Variants in ERBB4 observed in about 807,000 individuals in gnomAD.
ERBB4 encodes the protein receptor tyrosine-protein kinase erbB-4.
ERBB4 carries 42 observed loss-of-function variants against 158.0 expected under a neutral mutation model. The observed-to-expected ratio is 0.27, with a 90% CI of 0.21 to 0.34. The LOEUF (loss-of-function observed/expected upper bound fraction) is 0.34, where lower values mean the gene tolerates loss of function less well. ERBB4 is among the 10% of genes least tolerant of loss of function. The pLI, the probability that ERBB4 is intolerant of heterozygous loss-of-function variation, is 1.00. For missense variants in ERBB4, 1,333 were observed against 1,624.1 expected, an observed-to-expected ratio of 0.82 and a Z score of 3.08; for synonymous variants, 583 against 558.7, an observed-to-expected ratio of 1.04 and a Z score of -0.61.
At chr2:212,201,496 GATAA>G in intron 1 of ERBB4, among the ~76,000 whole-genome samples, 1 of 152,030 alleles carries the variant, frequency 6.6e-6, no homozygotes. Flanking sequence ...TGCTTTAATC[GATAA>G]ATATTTTCAG....
intron 1 of ERBB4, among the ~76,000 whole-genome samples, chr2:212,130,793 G>T (rs931551723): frequency 3.0e-4 from 46 of 152,004 alleles, no homozygotes; most frequent in African/African-American, 1.1e-3. Context: ...GTTTCATAGG[G>T]GCTTGTATAG....
At chr2:212,132,784 T>A (rs933197652) in intron 1 of ERBB4, among the ~76,000 whole-genome samples, 10 of 152,054 alleles carry the variant, frequency 6.6e-5, no homozygotes, top group Non-Finnish European at 1.3e-4. Flanking sequence ...TATGTGTGTG[T>A]GCGCGCTATA....
At chr2:211,704,746 A>T (rs1269293070) in intron 10 of ERBB4, among the ~76,000 whole-genome samples, 1 of 152,210 alleles carries the variant, frequency 6.6e-6, no homozygotes, top group Non-Finnish European at 1.5e-5. Flanking sequence ...ACAGAAAAAC[A>T]TAGTTTCAAA....
chr2:211,485,345 C>T (rs1037745848), intron 20 of ERBB4, among the ~76,000 whole-genome samples: 1 of 152,134 alleles, frequency 6.6e-6, no homozygotes, highest in South Asian at 2.1e-4. Context: ...CCTTTTTAAT[C>T]TGTCATTAAC....
intron 25 of ERBB4, among the ~76,000 whole-genome samples, chr2:211,404,304 G>A (rs565346716): frequency 6.6e-6 from 1 of 151,998 alleles, no homozygotes; most frequent in African/African-American, 2.4e-5. Context: ...TACGCCTTTG[G>A]TGATCCTTAG....
chr2:211,514,388 G>A (rs138494239), intron 20 of ERBB4, among the ~76,000 whole-genome samples: 40 of 152,270 alleles, frequency 2.6e-4, no homozygotes, highest in African/African-American at 9.1e-4. Context: ...TAAATTCATG[G>A]TGTAATGAAA....
chr2:211,397,092 A>G (rs1387489773), intron 25 of ERBB4, among the ~76,000 whole-genome samples: 2 of 152,158 alleles, frequency 1.3e-5, no homozygotes. Context: ...CAACTGATCT[A>G]GGCCAAAAAG....
chr2:212,505,878 A>G (rs1486344160), intron 1 of ERBB4, among the ~76,000 whole-genome samples: 1 of 148,924 alleles, frequency 6.7e-6, no homozygotes, highest in Non-Finnish European at 1.5e-5. Context: ...GGAGGTATAT[A>G]GGGTAAAATA....
rs949530483 is a variant in ERBB4 at position 211,377,149 on chromosome 2, C to G, written c.*6466G>C. 1 of 232,030 alleles carries G rather than the reference C, an allele frequency of 4.3e-6. No individual in the cohort carries two copies. Among genetic ancestry groups the G allele is most frequent in the African/African-American group, 2.2e-5 (1 of 45,074 alleles). The allele number at this position is 232,030 out of a possible 1,614,324, so 14.4% of individuals were successfully genotyped here. On this transcript the variant is annotated 3_prime_UTR_variant, in exon 28 of 28. Transcript: ENST00000342788. ...AGCCCCTGAGAGATCCAGAAATATA[C>G]AGGAAAATGACTCTCACATTAAGGG...
chr2:212,265,190 G>A (rs933284057), intron 1 of ERBB4, among the ~76,000 whole-genome samples: 3 of 151,994 alleles, frequency 2.0e-5, no homozygotes, highest in Non-Finnish European at 4.4e-5. Context: ...ACAATCTATA[G>A]CATAAAACAG....
At chr2:212,098,731 G>A (rs1348662318) in intron 2 of ERBB4, among the ~76,000 whole-genome samples, 1 of 152,032 alleles carries the variant, frequency 6.6e-6, no homozygotes, top group Non-Finnish European at 1.5e-5. Flanking sequence ...TTTGAAAGAT[G>A]TTCTAATAAA....
At chr2:211,677,264 A>T (rs2371308) in intron 13 of ERBB4, among the ~76,000 whole-genome samples, 68,370 of 152,000 alleles carry the variant, frequency 0.45, 16,208 homozygotes, top group African/African-American at 0.54. Context: ...ACTTTCCAAA[A>T]CTATTGAAAA....
chr2:212,385,502 T>C (rs1268765077), intron 1 of ERBB4, among the ~76,000 whole-genome samples: 1 of 151,856 alleles, frequency 6.6e-6, no homozygotes, highest in African/African-American at 2.4e-5. Context: ...CCTTTATCTG[T>C]ACAAATTAAG....
intron 25 of ERBB4, among the ~76,000 whole-genome samples, chr2:211,392,857 A>C (rs184039998): frequency 3.3e-5 from 5 of 151,896 alleles, no homozygotes; most frequent in African/African-American, 1.2e-4. Context: ...GGGTTTCACT[A>C]TCTTGGCCAG....
At chr2:212,081,322 T>C (rs2078436105) in intron 2 of ERBB4, among the ~76,000 whole-genome samples, 1 of 152,118 alleles carries the variant, frequency 6.6e-6, no homozygotes, top group Non-Finnish European at 1.5e-5. Flanking sequence ...TAGAATGTTC[T>C]AGAATCTTCT....
At chr2:211,752,191 T>C (rs1300156401) in intron 4 of ERBB4, among the ~76,000 whole-genome samples, 2 of 152,048 alleles carry the variant, frequency 1.3e-5, no homozygotes, top group Non-Finnish European at 2.9e-5. Context: ...GGAGTTCTTT[T>C]GTACAAAGCT....
intron 3 of ERBB4, among the ~76,000 whole-genome samples, chr2:211,856,797 C>G (rs1281290220): frequency 6.6e-6 from 1 of 152,048 alleles, no homozygotes; most frequent in Non-Finnish European, 1.5e-5. Context: ...AAATTTGATA[C>G]AACTATTATT....
chr2:212,450,628 C>G (rs2092431625), intron 1 of ERBB4, among the ~76,000 whole-genome samples: 1 of 152,084 alleles, frequency 6.6e-6, no homozygotes, highest in South Asian at 2.1e-4. Context: ...TTCCAGATAA[C>G]AACATGTGTG....
At chr2:211,540,720 G>A (rs2066783331) in intron 20 of ERBB4, among the ~76,000 whole-genome samples, 1 of 135,352 alleles carries the variant, frequency 7.4e-6, no homozygotes, top group African/African-American at 2.8e-5. Context: ...TCCTGAATAG[G>A]GTCACTAGAG....
Sources: gnomAD v4.1 joint callset for allele counts (sites outside exome capture counted in the v4.1 genomes callset) on GRCh38, gnomAD v4.1.1 for gene constraint, MANE v1.5 for transcripts, NCBI Gene and HGNC (gene_info 2026-07-23, HGNC 2026-07-21) for gene names.